FAM13A: variants seen among roughly 807,000 people sequenced by gnomAD.
FAM13A encodes the protein family with sequence similarity 13 member A.
FAM13A carries 76 observed loss-of-function variants against 129.6 expected under a neutral mutation model. That is an observed-to-expected ratio of 0.59 (90% CI 0.49 to 0.71). FAM13A has a LOEUF of 0.71. Among genes scored for constraint, FAM13A ranks in the 30% least tolerant of loss-of-function variants. FAM13A has a pLI of 0.00. For synonymous variants in FAM13A, 443 were observed against 449.9 expected (o/e 0.98, Z 0.20); for missense variants, 1,108 against 1,249.3 (o/e 0.89, Z 1.70).
At chr4:88,802,386 T>C (rs1030395494) in intron 8 of FAM13A, among the ~76,000 whole-genome samples, 3 of 151,536 alleles carry the variant, frequency 2.0e-5, no homozygotes, top group Admixed American at 6.6e-5. Flanking sequence ...TTTCCTTCCT[T>C]TGCAAAAAAT....
chr4:88,825,447 C>A (rs1175482749), intron 7 of FAM13A, among the ~76,000 whole-genome samples: 1 of 152,062 alleles, frequency 6.6e-6, no homozygotes, highest in African/African-American at 2.4e-5. Context: ...GAACTCCTGA[C>A]CTCAAATGAT....
intron 5 of FAM13A, among the ~76,000 whole-genome samples, chr4:88,908,573 C>T (rs1324253841): frequency 1.3e-5 from 2 of 152,154 alleles, no homozygotes. Context: ...TTAATGGGCA[C>T]AAGGCTGACA....
At chr4:88,841,095 C>T (rs1201082053) in intron 7 of FAM13A, among the ~76,000 whole-genome samples, 1 of 152,076 alleles carries the variant, frequency 6.6e-6, no homozygotes, top group East Asian at 1.9e-4. Context: ...CATGATCTTA[C>T]ATTATGCAAC....
intron 5 of FAM13A, among the ~76,000 whole-genome samples, chr4:88,929,387 G>T (rs79793221): frequency 1.6e-3 from 245 of 152,038 alleles, no homozygotes; most frequent in African/African-American, 5.5e-3. Context: ...TTTTTGCAAC[G>T]TATTTTCCTG....
chr4:88,747,506 C>A, intron 18 of FAM13A, 125 bp downstream of exon 18: 1 of 781,578 alleles, frequency 1.3e-6, no homozygotes, highest in Non-Finnish European at 2.2e-6. Flanking sequence ...CTTCCCTAGA[C>A]ACGTAACAGC....
At chr4:88,977,294 G>T (rs542147175) in intron 4 of FAM13A, among the ~76,000 whole-genome samples, 3 of 152,202 alleles carry the variant, frequency 2.0e-5, no homozygotes, top group South Asian at 2.1e-4. Flanking sequence ...ACTAAGTAAC[G>T]AACAGGTAGG....
At chr4:88,982,906 G>A (rs1761813571) in intron 4 of FAM13A, among the ~76,000 whole-genome samples, 1 of 151,976 alleles carries the variant, frequency 6.6e-6, no homozygotes, top group African/African-American at 2.4e-5. Flanking sequence ...CCTGCTTATG[G>A]CTCATGGCTA....
intron 11 of FAM13A, 116 bp downstream of exon 11, chr4:88,781,049 G>A: frequency 1.7e-6 from 1 of 584,180 alleles, no homozygotes; most frequent in South Asian, 3.3e-5. Flanking sequence ...TAGCTCTAAG[G>A]TCTCTTCCAG....
At position 88,726,902 on chromosome 4, in the gene FAM13A, TTAA is replaced by T. The variant is rs760476965; in HGVS notation, c.*1628_*1630del. 3 of 152,650 alleles carry T rather than the reference TTAA, an allele frequency of 2.0e-5. No individual in the cohort carries two copies. The highest frequency in any genetic ancestry group is 4.4e-5 in the Non-Finnish European group (3 of 68,038). 9.5% of individuals were successfully genotyped at this position (152,650 alleles called of 1,614,324 possible). ...AGCTTCCATACGATTAAGAGCAAAC[TTAA>T]AGGCATTCTTTTTCCCCATCCTTAA... On this transcript the variant is annotated 3_prime_UTR_variant, in exon 24 of 24. Coordinates refer to ENST00000264344, the MANE Select transcript of FAM13A (RefSeq NM_014883.4).
chr4:89,003,265 A>C (rs1764515344), intron 3 of FAM13A, among the ~76,000 whole-genome samples: 1 of 135,578 alleles, frequency 7.4e-6, no homozygotes, highest in Non-Finnish European at 1.6e-5. Context: ...TTAACAGTGG[A>C]GTTGTTGGAG....
rs1203960922 is a variant in FAM13A at position 88,921,529 on chromosome 4, C to T, written c.760-15067G>A. Among the ~76,000 whole-genome samples the T allele has an allele frequency of 2.0e-5, 3 of 152,224 alleles. No homozygotes were observed. In the East Asian group the frequency reaches 5.8e-4, roughly 29 times the overall value. ...GAGATTTTGTCACCACCAGGCCTAC[C>T]ATAAAAGAGCTCCTGAAGGAAGCAC... On this transcript the variant is annotated intron_variant, in intron 5 of 23. Coordinates refer to ENST00000264344, the MANE Select transcript of FAM13A (RefSeq NM_014883.4).
At chr4:88,995,523 T>C (rs1447110847) in intron 3 of FAM13A, among the ~76,000 whole-genome samples, 1 of 152,168 alleles carries the variant, frequency 6.6e-6, no homozygotes, top group Non-Finnish European at 1.5e-5. Context: ...CCCTTGAACA[T>C]CAGACTTCAA....
chr4:88,946,355 C>T (rs1246215164), intron 4 of FAM13A, among the ~76,000 whole-genome samples: 1 of 148,010 alleles, frequency 6.8e-6, no homozygotes. Flanking sequence ...ACCCTTTCTG[C>T]AGAAAGTAAA....
chr4:88,925,746 A>G (rs922710097), intron 5 of FAM13A, among the ~76,000 whole-genome samples: 1 of 151,124 alleles, frequency 6.6e-6, no homozygotes, highest in Non-Finnish European at 1.5e-5. Context: ...GCCAATGTAT[A>G]AGTAAATATG....
chr4:89,047,404 C>A (rs1054390160), intron 1 of FAM13A, among the ~76,000 whole-genome samples: 7 of 152,002 alleles, frequency 4.6e-5, no homozygotes, highest in Non-Finnish European at 7.4e-5. Context: ...CAGTTAAATT[C>A]TCTATATAAA....
At chr4:88,954,070 A>T (rs1579470112) in intron 4 of FAM13A, among the ~76,000 whole-genome samples, 1 of 152,358 alleles carries the variant, frequency 6.6e-6, no homozygotes, top group East Asian at 1.9e-4. Flanking sequence ...GAAAAAAAAT[A>T]AATTGTTAGA....
chr4:88,867,424 G>A (rs551767604), intron 6 of FAM13A, among the ~76,000 whole-genome samples: 42 of 152,264 alleles, frequency 2.8e-4, no homozygotes, highest in African/African-American at 9.6e-4. Flanking sequence ...AATAGAACAC[G>A]AAAAGGACAC....
intron 19 of FAM13A, among the ~76,000 whole-genome samples, chr4:88,746,388 G>T (rs1254519848): frequency 1.3e-5 from 2 of 152,192 alleles, no homozygotes; most frequent in Admixed American, 1.3e-4. Context: ...GCTTCCCGTT[G>T]TTATGAAAAG....
At chr4:88,865,878 C>CTTTTTTTTTTT (rs34865210) in intron 6 of FAM13A, among the ~76,000 whole-genome samples, 2 of 83,198 alleles carry the variant, frequency 2.4e-5, no homozygotes, top group Non-Finnish European at 4.3e-5. Context: ...TTGTCTCTCT[C>CTTTTTTTTTTT]TTTTTTTTTT....
Sources: allele counts gnomAD v4.1 joint callset (sites outside exome capture counted in the v4.1 genomes callset), GRCh38; gene constraint gnomAD v4.1.1; transcripts MANE v1.5; gene names NCBI Gene and HGNC (gene_info 2026-07-23, HGNC 2026-07-21).